Variants in PLAC1 observed in about 807,000 individuals in gnomAD.
PLAC1 encodes the protein placenta associated 1.
For missense variants in PLAC1, 136 were observed against 163.2 expected (o/e 0.83, Z 0.91); for synonymous variants, 68 against 62.1 (o/e 1.09, Z -0.44).
At chrX:134,721,262 CTA>C (rs1486362500) in intron 2 of PLAC1, among the ~76,000 whole-genome samples, 1 of 112,291 alleles carries the variant, frequency 8.9e-6, no homozygotes, top group Admixed American at 9.4e-5. Flanking sequence ...GTGAAGACAT[CTA>C]TTAGGATGGC....
chrX:134,749,388 G>A (rs2078736157), intron 1 of PLAC1, among the ~76,000 whole-genome samples: 1 of 111,772 alleles, frequency 8.9e-6, no homozygotes. Flanking sequence ...CCAGCTACTC[G>A]GGAGGCTAAA....
intron 1 of PLAC1, among the ~76,000 whole-genome samples, chrX:134,744,144 G>C (rs2078723638): frequency 9.0e-6 from 1 of 110,610 alleles, no homozygotes; most frequent in Admixed American, 9.6e-5. Context: ...AATTAGCTGG[G>C]TGTGGCACAT....
At chrX:134,739,640 T>C (rs955240129) in intron 1 of PLAC1, among the ~76,000 whole-genome samples, 3 of 112,925 alleles carry the variant, frequency 2.7e-5, no homozygotes, top group Admixed American at 9.3e-5. Flanking sequence ...CAGCATGTTT[T>C]TGGGGTGTCC....
intron 1 of PLAC1, among the ~76,000 whole-genome samples, chrX:134,752,929 A>G (rs1472448862): frequency 8.9e-6 from 1 of 112,008 alleles, no homozygotes; most frequent in Admixed American, 9.5e-5. Flanking sequence ...CATAGCAAAA[A>G]TAACTCCCAA....
chrX:134,680,525 A>AAACTG (rs1316916009), intron 2 of PLAC1, among the ~76,000 whole-genome samples: 1 of 102,151 alleles, frequency 9.8e-6, no homozygotes, highest in Non-Finnish European at 2.0e-5. Context: ...TTCCTAAACT[A>AAACTG]AACTGAACTA....
At chrX:134,681,138 C>T (rs984943601) in intron 2 of PLAC1, among the ~76,000 whole-genome samples, 2 of 111,429 alleles carry the variant, frequency 1.8e-5, no homozygotes, top group South Asian at 7.6e-4. Context: ...GTTAGGGCAT[C>T]GTGGTTTTCA....
At chrX:134,714,484 C>T (rs2078637617) in intron 2 of PLAC1, among the ~76,000 whole-genome samples, 1 of 111,283 alleles carries the variant, frequency 9.0e-6, no homozygotes, top group Non-Finnish European at 1.9e-5. Context: ...AGTAAACACA[C>T]GCAACATAAA....
intron 2 of PLAC1, among the ~76,000 whole-genome samples, chrX:134,595,828 T>C: frequency 9.1e-6 from 1 of 110,162 alleles, no homozygotes. Context: ...CCAGTCTCTG[T>C]CTTCTAATTG....
intron 1 of PLAC1, among the ~76,000 whole-genome samples, chrX:134,624,188 C>T (rs1439821804): frequency 8.9e-6 from 1 of 112,055 alleles, no homozygotes; most frequent in Admixed American, 9.5e-5. Flanking sequence ...ATCTGAAGGA[C>T]GGATTCATCC....
chrX:134,761,491 C>A (rs2078769883), intron 1 of PLAC1, among the ~76,000 whole-genome samples: 1 of 111,767 alleles, frequency 8.9e-6, no homozygotes, highest in African/African-American at 3.3e-5. Flanking sequence ...TAAATTGGTA[C>A]AATCTTGATG....
chrX:134,709,588 C>T (rs1389349133), intron 2 of PLAC1, among the ~76,000 whole-genome samples: 6 of 110,586 alleles, frequency 5.4e-5, no homozygotes, highest in Admixed American at 9.7e-5. Context: ...GGAGACAGAG[C>T]GAGACTCTAT....
At chrX:134,609,488 C>T (rs5933434) in intron 1 of PLAC1, among the ~76,000 whole-genome samples, 22,152 of 111,276 alleles carry the variant, frequency 0.2, 1,826 homozygotes, top group African/African-American at 0.26. Context: ...AATATATTTT[C>T]TAACGTAATT....
At chrX:134,721,048 T>A (rs1029667358) in intron 2 of PLAC1, among the ~76,000 whole-genome samples, 1 of 112,565 alleles carries the variant, frequency 8.9e-6, no homozygotes, top group Admixed American at 9.4e-5. Context: ...AAGTCATATA[T>A]CTGATAATGG....
intron 2 of PLAC1, among the ~76,000 whole-genome samples, chrX:134,674,272 TA>T (rs1420170397): frequency 4.4e-5 from 5 of 112,690 alleles, no homozygotes; most frequent in Non-Finnish European, 5.6e-5. Flanking sequence ...CACTGAATCT[TA>T]AAACTCATTT....
At chrX:134,609,904 G>C (rs1420627717) in intron 1 of PLAC1, among the ~76,000 whole-genome samples, 1 of 112,009 alleles carries the variant, frequency 8.9e-6, no homozygotes, top group Non-Finnish European at 1.9e-5. Flanking sequence ...GTTTCAGTAT[G>C]TGAATTTTGA....
At chrX:134,704,480 G>A (rs112275303) in intron 2 of PLAC1, among the ~76,000 whole-genome samples, 998 of 92,607 alleles carry the variant, frequency 0.011, 15 homozygotes, top group African/African-American at 0.036. Flanking sequence ...GCAACACAGT[G>A]AGACTCCATC....
chrX:134,670,012 C>T (rs1235841204), intron 2 of PLAC1, among the ~76,000 whole-genome samples: 1 of 110,252 alleles, frequency 9.1e-6, no homozygotes, highest in East Asian at 2.9e-4. Flanking sequence ...TCACTCCAGT[C>T]TCCCCACCCC....
intron 2 of PLAC1, among the ~76,000 whole-genome samples, chrX:134,567,662 G>C (rs1330716273): frequency 8.3e-5 from 9 of 108,738 alleles, no homozygotes; most frequent in African/African-American, 3.0e-4. Context: ...GGAGGCTGAG[G>C]TGGGAGGATC....
Position 134,565,975 on chromosome X carries a change from T to C in PLAC1, c.*69A>G, listed in dbSNP as rs771651463. ...ACATGAGGGTCACAAGAGCACTTATTTGTCAGACATTTGTACACTATATAC... is the reference window on the plus strand; with the variant it reads ...ACATGAGGGTCACAAGAGCACTTATCTGTCAGACATTTGTACACTATATAC... On this transcript the variant is annotated 3_prime_UTR_variant, in exon 3 of 3. Transcript: ENST00000359237. 17 of 963,467 alleles carry C rather than the reference T, an allele frequency of 1.8e-5. No homozygotes were observed. In the East Asian group the frequency reaches 2.8e-4, roughly 16 times the overall value. 79.4% of individuals were successfully genotyped at this position (963,467 alleles called of 1,213,427 possible).
Sources: allele counts gnomAD v4.1 joint callset (sites outside exome capture counted in the v4.1 genomes callset), GRCh38; gene constraint gnomAD v4.1.1; transcripts MANE v1.5; gene names NCBI Gene and HGNC (gene_info 2026-07-23, HGNC 2026-07-21).